FBXW7: variants seen among roughly 807,000 people sequenced by gnomAD.
The protein encoded by FBXW7 is F-box/WD repeat-containing protein 7.
FBXW7 carries 11 observed loss-of-function variants against 86.3 expected under a neutral mutation model. That is an observed-to-expected ratio of 0.13 (90% confidence interval 0.08 to 0.21). FBXW7 has a LOEUF of 0.21. Among genes scored for constraint, FBXW7 ranks in the 10% least tolerant of loss-of-function variants. The pLI is 1.00. For missense variants in FBXW7, 488 were observed against 847.4 expected (o/e 0.58, Z 5.27); for synonymous variants, 313 against 297.9 (o/e 1.05, Z -0.52).
chr4:152,385,361 G>A (rs1278330888), intron 4 of FBXW7, among the ~76,000 whole-genome samples: 1 of 151,872 alleles, frequency 6.6e-6, no homozygotes, highest in African/African-American at 2.4e-5. Context: ...TAAAGATAAT[G>A]TATTCAATAT....
At chr4:152,505,916 T>A (rs1257217948) in intron 2 of FBXW7, among the ~76,000 whole-genome samples, 1 of 151,542 alleles carries the variant, frequency 6.6e-6, no homozygotes, top group Non-Finnish European at 1.5e-5. Context: ...AATTTTTGTA[T>A]TTTTAGTAGA....
intron 7 of FBXW7, among the ~76,000 whole-genome samples, chr4:152,333,864 G>C (rs1237638229): frequency 6.6e-6 from 1 of 152,028 alleles, no homozygotes; most frequent in Non-Finnish European, 1.5e-5. Flanking sequence ...CATCAGCTTG[G>C]TCAACATGGT....
At chr4:152,421,072 T>C (rs1452968468) in intron 2 of FBXW7, among the ~76,000 whole-genome samples, 1 of 152,202 alleles carries the variant, frequency 6.6e-6, no homozygotes, top group Non-Finnish European at 1.5e-5. Flanking sequence ...ATCAGTGATC[T>C]TAGCTAGACA....
intron 4 of FBXW7, among the ~76,000 whole-genome samples, chr4:152,369,294 G>T (rs933102913): frequency 6.6e-6 from 1 of 152,038 alleles, no homozygotes; most frequent in Admixed American, 6.6e-5. Flanking sequence ...GCTCTTCACA[G>T]ATAAGGCTTA....
At chr4:152,393,322 A>G (rs1345156080) in intron 4 of FBXW7, among the ~76,000 whole-genome samples, 1 of 152,160 alleles carries the variant, frequency 6.6e-6, no homozygotes, top group Non-Finnish European at 1.5e-5. Context: ...TGTAATCTCT[A>G]TTCTGTTCCC....
At chr4:152,375,652 GAAT>G (rs1330469397) in intron 4 of FBXW7, among the ~76,000 whole-genome samples, 1 of 151,918 alleles carries the variant, frequency 6.6e-6, no homozygotes, top group African/African-American at 2.4e-5. Flanking sequence ...AGAAAACCTA[GAAT>G]AATAAACATG....
rs530668830 is a variant in FBXW7, at chr4:152,344,629, T to C, written c.726+2301A>G. ...GATGAAATACAGCATGCGGTAACAT[T>C]TGGACATTTTATTTAAAAAGCATAA... On this transcript the variant is annotated intron_variant, in intron 6 of 13. Coordinates refer to ENST00000281708, the MANE Select transcript of FBXW7 (RefSeq NM_001349798.2). Among the ~76,000 whole-genome samples, 3 of 152,226 alleles carry C rather than the reference T, an allele frequency of 2.0e-5. No homozygotes were observed. In the South Asian group the frequency reaches 6.2e-4, roughly 32 times the overall value.
At chr4:152,365,489 A>G (rs1182098688) in intron 4 of FBXW7, among the ~76,000 whole-genome samples, 2 of 152,172 alleles carry the variant, frequency 1.3e-5, no homozygotes, top group Non-Finnish European at 1.5e-5. Context: ...AGGTAGAAAC[A>G]GAGATGCATA....
At chr4:152,444,680 T>A (rs1305057425) in intron 2 of FBXW7, among the ~76,000 whole-genome samples, 1 of 152,158 alleles carries the variant, frequency 6.6e-6, no homozygotes, top group African/African-American at 2.4e-5. Flanking sequence ...ATATCATTGG[T>A]TGTAACAATT....
At chr4:152,355,691 C>T (rs34510797) in intron 4 of FBXW7, among the ~76,000 whole-genome samples, 33 of 152,212 alleles carry the variant, frequency 2.2e-4, no homozygotes, top group African/African-American at 6.7e-4. Flanking sequence ...CAATAAGGTC[C>T]TGGAATAAAA....
intron 2 of FBXW7, among the ~76,000 whole-genome samples, chr4:152,491,367 C>A (rs1172886884): frequency 1.3e-5 from 2 of 152,070 alleles, no homozygotes; most frequent in East Asian, 3.8e-4. Context: ...ATAGATATAT[C>A]TTTCCCTCCA....
At chr4:152,370,250 C>G (rs1290008848) in intron 4 of FBXW7, among the ~76,000 whole-genome samples, 2 of 151,944 alleles carry the variant, frequency 1.3e-5, no homozygotes, top group Non-Finnish European at 2.9e-5. Context: ...TTTCAATTTT[C>G]ATGTTCAAGA....
chr4:152,326,767 A>G (rs1729064977), intron 11 of FBXW7, among the ~76,000 whole-genome samples: 2 of 152,156 alleles, frequency 1.3e-5, no homozygotes. Flanking sequence ...CAACAAAACA[A>G]GTCAGAATTT....
intron 4 of FBXW7, among the ~76,000 whole-genome samples, chr4:152,402,291 G>T (rs78776810): frequency 0.016 from 2,440 of 151,954 alleles, 76 homozygotes; most frequent in African/African-American, 0.056. Flanking sequence ...CTAATAATTA[G>T]GTTATCAGGG....
intron 2 of FBXW7, among the ~76,000 whole-genome samples, chr4:152,495,279 A>AAAAAAAAACTT (rs1746220263): frequency 6.6e-6 from 1 of 150,826 alleles, no homozygotes; most frequent in Non-Finnish European, 1.5e-5. Flanking sequence ...CTAAAAATTT[A>AAAAAAAAACTT]AAAAAAAACA....
intron 4 of FBXW7, among the ~76,000 whole-genome samples, chr4:152,355,611 A>C (rs959692509): frequency 6.6e-6 from 1 of 152,170 alleles, no homozygotes; most frequent in Non-Finnish European, 1.5e-5. Flanking sequence ...ATTCTATAAA[A>C]AATTAATTCT....
At chr4:152,373,544 C>T (rs1560819928) in intron 4 of FBXW7, among the ~76,000 whole-genome samples, 2 of 151,874 alleles carry the variant, frequency 1.3e-5, no homozygotes, top group Non-Finnish European at 2.9e-5. Flanking sequence ...ATGTAATTTG[C>T]AGCAGTATAC....
At chr4:152,395,984 A>G (rs903712563) in intron 4 of FBXW7, among the ~76,000 whole-genome samples, 2 of 152,048 alleles carry the variant, frequency 1.3e-5, no homozygotes, top group Non-Finnish European at 2.9e-5. Context: ...ATTCAAAAAC[A>G]TGGCAATATC....
At chr4:152,325,974 A>T (rs2126490983) in intron 12 of FBXW7, 32 bp downstream of exon 12, 1 of 1,557,026 alleles carries the variant, frequency 6.4e-7, no homozygotes, top group East Asian at 2.2e-5. Context: ...ATTCATCAGG[A>T]GAGCATTTAA....
Sources: gnomAD v4.1 joint callset for allele counts (sites outside exome capture counted in the v4.1 genomes callset) on GRCh38, gnomAD v4.1.1 for gene constraint, MANE v1.5 for transcripts, NCBI Gene and HGNC (gene_info 2026-07-23, HGNC 2026-07-21) for gene names.